DHRSX: variants seen among roughly 807,000 people sequenced by gnomAD.
The protein encoded by DHRSX is polyprenol dehydrogenase.
Under a neutral mutation model 34.0 loss-of-function variants are expected in DHRSX, and 31 were observed. The ratio of observed to expected loss-of-function variants is 0.91; its 90% CI spans 0.69 to 1.23. The LOEUF (loss-of-function observed/expected upper bound fraction) is 1.23, where lower values mean the gene tolerates loss of function less well. DHRSX is among the 50% of genes most tolerant of loss of function. DHRSX has a pLI of 0.00. For synonymous variants in DHRSX, 201 were observed against 183.8 expected, an observed-to-expected ratio of 1.09 and a Z score of -0.76; for missense variants, 414 against 428.1, an observed-to-expected ratio of 0.97 and a Z score of 0.29.
intron 1 of DHRSX, among the ~76,000 whole-genome samples, chrX:2,441,222 C>G (rs2044058622): frequency 6.6e-6 from 1 of 152,142 alleles, no homozygotes; most frequent in Admixed American, 6.6e-5. Context: ...GTCAAGGAAG[C>G]CTGTGAAATT....
chrX:2,238,750 AT>A (rs71301238), intron 6 of DHRSX, among the ~76,000 whole-genome samples: 24,266 of 144,500 alleles, frequency 0.17, 2,271 homozygotes, highest in Admixed American at 0.21. Context: ...CACTCGGCTA[AT>A]TTTTTTTTTT....
At chrX:2,240,180 C>A (rs2016107980) in intron 6 of DHRSX, among the ~76,000 whole-genome samples, 1 of 151,236 alleles carries the variant, frequency 6.6e-6, no homozygotes, top group East Asian at 2.0e-4. Flanking sequence ...GCAGTCCCAG[C>A]TACTCAGGAG....
At chrX:2,258,991 G>C (rs2041317646) in intron 5 of DHRSX, among the ~76,000 whole-genome samples, 1 of 152,040 alleles carries the variant, frequency 6.6e-6, no homozygotes, top group South Asian at 2.1e-4. Context: ...ATAGGGGGAA[G>C]TGGCCGGGCG....
intron 3 of DHRSX, among the ~76,000 whole-genome samples, chrX:2,344,872 CATATATATATAT>C (rs775259345): frequency 0.14 from 13,295 of 98,212 alleles, 1,022 homozygotes; most frequent in Middle Eastern, 0.19. Context: ...TAAAAAGAAG[CATATATATATAT>C]ATATATATAT....
At chrX:2,310,954 G>A (rs1284766666) in intron 3 of DHRSX, among the ~76,000 whole-genome samples, 5 of 151,754 alleles carry the variant, frequency 3.3e-5, no homozygotes, top group African/African-American at 4.8e-5. Context: ...CCAGCTACTC[G>A]GGAGGCTGAG....
At chrX:2,344,872 CAT>C (rs775259345) in intron 3 of DHRSX, among the ~76,000 whole-genome samples, 2,732 of 97,950 alleles carry the variant, frequency 0.028, 48 homozygotes, top group East Asian at 0.063. Flanking sequence ...TAAAAAGAAG[CAT>C]ATATATATAT....
At chrX:2,455,425 C>A (rs1302553412) in intron 1 of DHRSX, among the ~76,000 whole-genome samples, 2 of 151,710 alleles carry the variant, frequency 1.3e-5, no homozygotes, top group Non-Finnish European at 2.9e-5. Context: ...AACGAACCTG[C>A]GCATGTGCCC....
At chrX:2,487,461 C>T (rs2044972542) in intron 1 of DHRSX, 1 of 152,232 alleles carries the variant, frequency 6.6e-6, no homozygotes, top group African/African-American at 2.4e-5. Context: ...ACCTCCTGGG[C>T]TCAAGCGAAT....
intron 3 of DHRSX, among the ~76,000 whole-genome samples, chrX:2,345,481 A>C (rs1363994059): frequency 6.6e-6 from 1 of 151,840 alleles, no homozygotes; most frequent in Non-Finnish European, 1.5e-5. Flanking sequence ...TGTCTCTACC[A>C]AAAAAATAAA....
intron 6 of DHRSX, among the ~76,000 whole-genome samples, chrX:2,234,172 A>G (rs773147182): frequency 1.3e-5 from 2 of 151,710 alleles, no homozygotes; most frequent in East Asian, 3.9e-4. Flanking sequence ...GCCTTCACCC[A>G]TGCACACAGC....
At chrX:2,495,609 C>G (rs1267455980) in intron 1 of DHRSX, among the ~76,000 whole-genome samples, 1 of 144,780 alleles carries the variant, frequency 6.9e-6, no homozygotes, top group East Asian at 2.5e-4. Flanking sequence ...CCTGAACCCA[C>G]GTAACAGCCA....
At chrX:2,348,747 G>A (rs1206755394) in intron 3 of DHRSX, among the ~76,000 whole-genome samples, 2 of 151,570 alleles carry the variant, frequency 1.3e-5, no homozygotes, top group African/African-American at 4.8e-5. Context: ...AGGCTGGAGT[G>A]CAGTGGCACG....
chrX:2,305,107 G>A (rs1441625684), intron 3 of DHRSX, among the ~76,000 whole-genome samples: 1 of 151,358 alleles, frequency 6.6e-6, no homozygotes, highest in African/African-American at 2.4e-5. Flanking sequence ...TGCAGGAACA[G>A]AAAACCAAAC....
At chrX:2,350,283 G>A (rs191424917) in intron 3 of DHRSX, among the ~76,000 whole-genome samples, 3 of 151,896 alleles carry the variant, frequency 2.0e-5, no homozygotes, top group Non-Finnish European at 2.9e-5. Flanking sequence ...CTTGGGAGGC[G>A]GAGGTTGCAG....
intron 1 of DHRSX, among the ~76,000 whole-genome samples, chrX:2,460,484 C>T (rs1342321375): frequency 1.3e-5 from 2 of 151,934 alleles, no homozygotes; most frequent in African/African-American, 2.4e-5. Flanking sequence ...GTGGCATGAT[C>T]GTAGCTTATG....
At chrX:2,364,332 G>C (rs2042974001) in intron 3 of DHRSX, among the ~76,000 whole-genome samples, 1 of 152,114 alleles carries the variant, frequency 6.6e-6, no homozygotes. Flanking sequence ...CAAGTGGGTG[G>C]AGCCCAGGGA....
intron 3 of DHRSX, among the ~76,000 whole-genome samples, chrX:2,340,298 A>G (rs2042624436): frequency 6.6e-6 from 1 of 151,956 alleles, no homozygotes; most frequent in Admixed American, 6.6e-5. Context: ...TGTAACAAAA[A>G]CTGCACGTCC....
chrX:2,360,961 A>G (rs1335881935), intron 3 of DHRSX, among the ~76,000 whole-genome samples: 1 of 152,126 alleles, frequency 6.6e-6, no homozygotes, highest in African/African-American at 2.4e-5. Flanking sequence ...GGAATGAGGA[A>G]ATGGCTTTTC....
At chrX:2,317,107 G>A (rs1234051469) in intron 3 of DHRSX, among the ~76,000 whole-genome samples, 5 of 151,388 alleles carry the variant, frequency 3.3e-5, no homozygotes, top group South Asian at 2.1e-4. Context: ...ACAAGTGCAC[G>A]TCACCACGCC....
Sources: allele counts gnomAD v4.1 joint callset (sites outside exome capture counted in the v4.1 genomes callset), GRCh38; gene constraint gnomAD v4.1.1; transcripts MANE v1.5; gene names NCBI Gene and HGNC (gene_info 2026-07-23, HGNC 2026-07-21).